The following LRRC37A2 variants were observed in gnomAD, a reference collection of about 807,000 sequenced individuals.
The protein encoded by LRRC37A2 is leucine-rich repeat-containing protein 37A2.
In LRRC37A2, 9 loss-of-function variants were observed where a neutral mutation model predicts 68.8. The ratio of observed to expected loss-of-function variants is 0.13; its 90% confidence interval spans 0.08 to 0.23. LRRC37A2 has a LOEUF of 0.23. LRRC37A2 is among the 10% of genes least tolerant of loss of function. The pLI, the probability that LRRC37A2 is intolerant of heterozygous loss-of-function variation, is 1.00. For missense variants in LRRC37A2, 168 were observed against 950.4 expected (o/e 0.18, Z 10.82); for synonymous variants, 63 against 367.6 (o/e 0.17, Z 9.48).
At chr17:46,872,536 C>T in the LRRC37A2 span, 1 of 1,557,332 alleles carries the variant, frequency 6.4e-7, no homozygotes, top group African/African-American at 1.4e-5. Flanking sequence ...GCGGGAAGTC[C>T]TGACGCCCTT....
the LRRC37A2 span, among the ~76,000 whole-genome samples, chr17:46,765,586 A>T: frequency 6.6e-6 from 1 of 152,230 alleles, no homozygotes; most frequent in Non-Finnish European, 1.5e-5. Flanking sequence ...GGAAGACAAG[A>T]GAACAGCTAA....
chr17:46,527,917 AC>A (rs2052997970), intron 6 of LRRC37A2, among the ~76,000 whole-genome samples: 2 of 97,136 alleles, frequency 2.1e-5, no homozygotes. Flanking sequence ...TAAGGTTCAC[AC>A]GGCTAATAAG....
chr17:46,542,134 AG>A (rs1403374088), intron 8 of LRRC37A2, among the ~76,000 whole-genome samples: 19 of 141,264 alleles, frequency 1.3e-4, no homozygotes, highest in Non-Finnish European at 2.5e-4. Flanking sequence ...TAAAAAAAAA[AG>A]TAAGAAATAA....
At chr17:46,635,173 TGTGGTCCATGGATTGGA>T in the LRRC37A2 span, among the ~76,000 whole-genome samples, 2 of 137,744 alleles carry the variant, frequency 1.5e-5, 1 homozygote, top group African/African-American at 5.4e-5. Flanking sequence ...TTCTTGGAGG[TGTGGTCCATGGATTGGA>T]GTTCTGTATT....
chr17:47,004,083 G>A, the LRRC37A2 span, among the ~76,000 whole-genome samples: 2 of 152,148 alleles, frequency 1.3e-5, no homozygotes, highest in African/African-American at 4.8e-5. Flanking sequence ...GTATTCCATG[G>A]CGTATATGTG....
the LRRC37A2 span, chr17:46,769,843 G>T: frequency 6.8e-6 from 11 of 1,613,244 alleles, no homozygotes; most frequent in African/African-American, 2.7e-5. Context: ...GCCTGTTCTC[G>T]CGCGCATCCG....
chr17:46,876,935 A>C, the LRRC37A2 span: 1 of 1,322,990 alleles, frequency 7.6e-7, no homozygotes, highest in East Asian at 2.8e-5. Context: ...CCCTTAACCC[A>C]AGCATCCCCA....
chr17:46,914,165 T>C, the LRRC37A2 span, among the ~76,000 whole-genome samples: 3 of 152,096 alleles, frequency 2.0e-5, no homozygotes, highest in Non-Finnish European at 4.4e-5. Context: ...TCTCATATTT[T>C]AGTAAGGGAA....
intron 8 of LRRC37A2, among the ~76,000 whole-genome samples, chr17:46,542,881 G>C (rs578200471): frequency 1.3e-5 from 2 of 150,372 alleles, no homozygotes; most frequent in Admixed American, 1.3e-4. Context: ...GATTAGCATG[G>C]AAAGGGCCCT....
the LRRC37A2 span, among the ~76,000 whole-genome samples, chr17:46,842,807 C>G: frequency 6.6e-6 from 1 of 152,228 alleles, no homozygotes; most frequent in African/African-American, 2.4e-5. Flanking sequence ...CAGACAGAAG[C>G]TATGAGAAAA....
At chr17:46,586,363 CTCTT>C in the LRRC37A2 span, among the ~76,000 whole-genome samples, 3 of 17,830 alleles carry the variant, frequency 1.7e-4, 1 homozygote, top group Non-Finnish European at 9.1e-4. Context: ...CTTCATCTCT[CTCTT>C]TGTCTCTCTC....
At chr17:46,966,108 C>CTTCA in the LRRC37A2 span, among the ~76,000 whole-genome samples, 1 of 152,184 alleles carries the variant, frequency 6.6e-6, no homozygotes, top group Non-Finnish European at 1.5e-5. Context: ...TCCTCATCTT[C>CTTCA]TTCATCATCG....
chr17:46,681,449 C>G, the LRRC37A2 span, among the ~76,000 whole-genome samples: 2 of 136,130 alleles, frequency 1.5e-5, no homozygotes, highest in Non-Finnish European at 3.2e-5. Flanking sequence ...GTGATAGTGC[C>G]ACTGCACTCC....
At chr17:46,755,706 TA>T in the LRRC37A2 span, 1 of 1,349,312 alleles carries the variant, frequency 7.4e-7, no homozygotes, top group East Asian at 2.4e-5. Flanking sequence ...GGATAACCAT[TA>T]AGAAGCTTTT....
chr17:46,806,428 C>T, the LRRC37A2 span, among the ~76,000 whole-genome samples: 3 of 152,080 alleles, frequency 2.0e-5, no homozygotes, highest in Non-Finnish European at 2.9e-5. Context: ...AGGCTGGCCT[C>T]AAACTCCCAA....
At chr17:46,734,424 G>A in the LRRC37A2 span, among the ~76,000 whole-genome samples, 1 of 152,044 alleles carries the variant, frequency 6.6e-6, no homozygotes, top group Non-Finnish European at 1.5e-5. Flanking sequence ...TGACAGTTTA[G>A]TGGCCTTCTT....
chr17:46,783,137 C>A, the LRRC37A2 span, among the ~76,000 whole-genome samples: 6 of 152,186 alleles, frequency 3.9e-5, no homozygotes, highest in African/African-American at 1.4e-4. Context: ...GTGGGAGCAC[C>A]CTTGCCTATG....
the LRRC37A2 span, chr17:46,948,984 G>A: frequency 1.3e-5 from 2 of 152,200 alleles, no homozygotes; most frequent in Admixed American, 1.3e-4. Flanking sequence ...ACGGGACTGG[G>A]CCTTGGAGAA....
chr17:46,981,345 CA>C, the LRRC37A2 span, among the ~76,000 whole-genome samples: 2 of 152,128 alleles, frequency 1.3e-5, no homozygotes, highest in South Asian at 4.1e-4. Context: ...TTGTTTGGGT[CA>C]GGGGCACCAC....
Sources: allele counts gnomAD v4.1 joint callset (sites outside exome capture counted in the v4.1 genomes callset), GRCh38; gene constraint gnomAD v4.1.1; transcripts MANE v1.5; gene names NCBI Gene and HGNC (gene_info 2026-07-23, HGNC 2026-07-21).